EEA1: variants seen among roughly 807,000 people sequenced by gnomAD.
The protein encoded by EEA1 is early endosome antigen 1, also known as early endosome antigen 1, 162kD.
In EEA1, 111 loss-of-function variants were observed where a neutral mutation model predicts 209.2. The observed-to-expected ratio is 0.53, with a 90% CI of 0.45 to 0.62. The LOEUF is 0.62. Ranked by LOEUF, EEA1 falls within the 20% of genes least tolerant of loss-of-function variation. The pLI is 0.00. For missense variants in EEA1, 1,343 were observed against 1,530.8 expected (o/e 0.88, Z 2.05); for synonymous variants, 536 against 540.6 (o/e 0.99, Z 0.12).
At chr12:92,801,537 A>C in intron 20 of EEA1, 63 bp downstream of exon 20, 1 of 1,082,954 alleles carries the variant, frequency 9.2e-7, no homozygotes, top group Non-Finnish European at 1.3e-6. Flanking sequence ...TTATATATTT[A>C]TTTGAAAATA....
chr12:92,859,277 A>C, intron 3 of EEA1: 1 of 1,591,444 alleles, frequency 6.3e-7, no homozygotes, highest in Non-Finnish European at 8.6e-7. Flanking sequence ...AAATATTGAA[A>C]GTTTTCATCT....
intron 9 of EEA1, among the ~76,000 whole-genome samples, chr12:92,844,864 G>T (rs1877325073): frequency 6.6e-6 from 1 of 151,876 alleles, no homozygotes; most frequent in Non-Finnish European, 1.5e-5. Context: ...TAAATATCAT[G>T]ATTTCATATT....
intron 21 of EEA1, among the ~76,000 whole-genome samples, chr12:92,793,589 T>C (rs1420853068): frequency 6.6e-6 from 1 of 152,170 alleles, no homozygotes; most frequent in Non-Finnish European, 1.5e-5. Context: ...GTGAAGGACA[T>C]CTTCAAGGAC....
intron 21 of EEA1, among the ~76,000 whole-genome samples, chr12:92,793,051 T>C (rs1409655860): frequency 2.6e-5 from 4 of 152,160 alleles, no homozygotes; most frequent in Non-Finnish European, 5.9e-5. Context: ...TCTCAATAGA[T>C]GCAGAAAAGG....
At chr12:92,863,668 G>C (rs1353286268) in intron 3 of EEA1, among the ~76,000 whole-genome samples, 2 of 152,184 alleles carry the variant, frequency 1.3e-5, no homozygotes, top group Non-Finnish European at 2.9e-5. Context: ...TATGTTCTTT[G>C]GGTAGATTGT....
intron 1 of EEA1, among the ~76,000 whole-genome samples, chr12:92,919,623 A>G (rs958367397): frequency 2.7e-5 from 4 of 148,880 alleles, no homozygotes; most frequent in African/African-American, 7.5e-5. Flanking sequence ...ATATATGACA[A>G]ACCCACAGCC....
chr12:92,853,572 G>T (rs1398305739), intron 6 of EEA1, among the ~76,000 whole-genome samples: 4 of 152,114 alleles, frequency 2.6e-5, no homozygotes, highest in African/African-American at 9.7e-5. Flanking sequence ...ATTCATTAAA[G>T]TATGCAGTCA....
At position 92,809,159 on chromosome 12, in the gene EEA1, A is replaced by G. The variant is rs1310603934; in HGVS notation, c.2200-3T>C. The G allele has an allele frequency of 6.4e-7, 1 of 1,552,094 alleles. No individual in the cohort carries two copies. Among genetic ancestry groups the G allele is most frequent in the Admixed American group, 2.0e-5 (1 of 50,760 alleles). ...TCAAGACTATCAGCTTCTAGTTTCT[A>G]TGAAAGAAATATGATATGGCAGCCA... On this transcript the variant is annotated splice_region_variant and splice_polypyrimidine_tract_variant and intron_variant, in intron 17 of 28. Transcript: ENST00000322349.
Position 92,844,371 on chromosome 12 carries a change from A to T in EEA1, c.799-1790T>A, listed in dbSNP as rs1254928753. On this transcript the variant is annotated intron_variant, in intron 9 of 28. Coordinates refer to ENST00000322349, the MANE Select transcript of EEA1 (RefSeq NM_003566.4). ...CATTCACTTAAAAGTACAAATTCTG[A>T]TGCAATGAAAGGCAATCTGTAACAT... 2.6e-5 allele frequency among the ~76,000 whole-genome samples: 4 copies of T among 152,192 alleles called. No homozygotes were observed. The East Asian group carries it at 7.7e-4, about 29-fold the overall frequency.
chr12:92,816,770 T>A (rs1048310944), intron 14 of EEA1, among the ~76,000 whole-genome samples: 13 of 152,186 alleles, frequency 8.5e-5, no homozygotes, highest in Non-Finnish European at 1.5e-5. Context: ...TCTGCAGTCA[T>A]TCCTCCCATC....
intron 10 of EEA1, among the ~76,000 whole-genome samples, chr12:92,834,416 G>A (rs1876813879): frequency 1.3e-5 from 2 of 152,008 alleles, no homozygotes; most frequent in South Asian, 2.1e-4. Flanking sequence ...ATGGCGGTAT[G>A]CACCTATAGA....
intron 1 of EEA1, among the ~76,000 whole-genome samples, chr12:92,900,466 TTTC>T (rs1880101259): frequency 6.6e-6 from 1 of 152,022 alleles, no homozygotes; most frequent in African/African-American, 2.4e-5. Context: ...CCCACAAAAT[TTTC>T]TTGTTTTAAT....
At chr12:92,921,717 T>C (rs1881003256) in intron 1 of EEA1, among the ~76,000 whole-genome samples, 1 of 140,912 alleles carries the variant, frequency 7.1e-6, no homozygotes, top group African/African-American at 2.7e-5. Flanking sequence ...ACCTGCACAT[T>C]TTGCACATGT....
intron 1 of EEA1, among the ~76,000 whole-genome samples, chr12:92,925,870 T>C (rs917391200): frequency 2.0e-5 from 3 of 152,214 alleles, no homozygotes; most frequent in African/African-American, 4.8e-5. Flanking sequence ...TTCTAATTGA[T>C]GGTAAGCAGT....
intron 13 of EEA1, among the ~76,000 whole-genome samples, chr12:92,825,459 C>CAAA (rs112372498): frequency 8.1e-6 from 1 of 123,968 alleles, no homozygotes; most frequent in African/African-American, 3.1e-5. Flanking sequence ...CACTCCGTCT[C>CAAA]AAAAAAAAAA....
At chr12:92,825,055 T>C (rs1354604276) in intron 13 of EEA1, among the ~76,000 whole-genome samples, 2 of 152,224 alleles carry the variant, frequency 1.3e-5, no homozygotes, top group Non-Finnish European at 2.9e-5. Context: ...TCTACATATA[T>C]ATCATTAGAT....
At chr12:92,860,040 C>T (rs1878070721) in intron 3 of EEA1, among the ~76,000 whole-genome samples, 1 of 152,204 alleles carries the variant, frequency 6.6e-6, no homozygotes, top group Admixed American at 6.5e-5. Flanking sequence ...ACCTCTTTAA[C>T]AGCACCAAAT....
At chr12:92,799,869 G>A (rs902431383) in intron 20 of EEA1, among the ~76,000 whole-genome samples, 1 of 152,006 alleles carries the variant, frequency 6.6e-6, no homozygotes, top group African/African-American at 2.4e-5. Context: ...TAGCTCTATA[G>A]TAACTATGAT....
At position 92,929,289 on chromosome 12, in the gene EEA1, C is replaced by A. The variant is rs890569890; in HGVS notation, c.-223G>T. ...AGCGAACGACTAGGCAGCCTGCGAG[C>A]GCCTCCAGCCCGCCCGCCGGGCAGC... On this transcript the variant is annotated 5_prime_UTR_variant, in exon 1 of 29. Coordinates refer to ENST00000322349, the MANE Select transcript of EEA1 (RefSeq NM_003566.4). 1.0e-5 allele frequency: 4 copies of A among 383,708 alleles called. No individual in the cohort carries two copies. The highest frequency in any genetic ancestry group is 2.1e-5 in the African/African-American group (1 of 47,118). 23.8% of individuals were successfully genotyped at this position (383,708 alleles called of 1,614,324 possible).
Sources: allele counts gnomAD v4.1 joint callset (sites outside exome capture counted in the v4.1 genomes callset), GRCh38; gene constraint gnomAD v4.1.1; transcripts MANE v1.5; gene names NCBI Gene and HGNC (gene_info 2026-07-23, HGNC 2026-07-21).